SNX29: variants seen among roughly 807,000 people sequenced by gnomAD.
SNX29 encodes sorting nexin-29.
Under a neutral mutation model 102.1 loss-of-function variants are expected in SNX29, and 78 were observed. The ratio of observed to expected loss-of-function variants is 0.76; its 90% CI spans 0.64 to 0.92. The LOEUF (loss-of-function observed/expected upper bound fraction) is 0.92. Among genes scored for constraint, SNX29 ranks in the 40% least tolerant of loss-of-function variants. The pLI is 0.00. For synonymous variants in SNX29, 580 were observed against 414.5 expected (o/e 1.40, Z -4.85); for missense variants, 1,280 against 1,061.7 (o/e 1.21, Z -2.86).
In SNX29 at chr16:12,271,336, C is replaced by T. The variant is rs114044038; in HGVS notation, c.1679-6597C>T. ...TGTGGCTCATGGGGGCTGTTGGCTG[C>T]GTGCATCAGTTCCTTGCCATGAGGT... On this transcript the variant is annotated intron_variant, in intron 14 of 20. Coordinates refer to ENST00000566228, the MANE Select transcript of SNX29 (RefSeq NM_032167.5). 2.6e-3 allele frequency among the ~76,000 whole-genome samples: 394 copies of T among 152,246 alleles called. 2 individuals carry two copies. The highest frequency in any genetic ancestry group is 8.6e-3 in the African/African-American group (359 of 41,540).
chr16:12,447,823 G>A (rs547330426), intron 18 of SNX29, among the ~76,000 whole-genome samples: 1 of 152,330 alleles, frequency 6.6e-6, no homozygotes, highest in East Asian at 1.9e-4. Context: ...CACTCAGAGA[G>A]CCCTCTCTTC....
intron 3 of SNX29, among the ~76,000 whole-genome samples, chr16:12,005,207 CTGAT>C (rs1157520768): frequency 6.6e-6 from 1 of 152,204 alleles, no homozygotes; most frequent in Non-Finnish European, 1.5e-5. Context: ...GATCATTCGA[CTGAT>C]TGATCAATTT....
At chr16:12,459,663 C>T (rs1234324311) in intron 18 of SNX29, among the ~76,000 whole-genome samples, 1 of 152,130 alleles carries the variant, frequency 6.6e-6, no homozygotes, top group Non-Finnish European at 1.5e-5. Flanking sequence ...GTGGAGAAAG[C>T]AAACTTGCAG....
intron 20 of SNX29, chr16:12,526,501 G>A: frequency 2.0e-6 from 1 of 500,570 alleles, no homozygotes. Context: ...ATAGAAAACA[G>A]TTTCTAGAAC....
chr16:12,369,140 CTT>C (rs373599269), intron 16 of SNX29, among the ~76,000 whole-genome samples: 5 of 145,976 alleles, frequency 3.4e-5, no homozygotes, highest in Admixed American at 6.9e-5. Flanking sequence ...ATGTTCATAT[CTT>C]TTTTTTTTTT....
intron 20 of SNX29, chr16:12,557,827 C>G (rs190749203): frequency 2.0e-5 from 3 of 152,230 alleles, no homozygotes; most frequent in African/African-American, 7.2e-5. Context: ...CTGTTGTTCA[C>G]CAAAACATCA....
rs565298069 is a variant in SNX29 at position 12,178,045 on chromosome 16, C to G, written c.1596-21556C>G. On this transcript the variant is annotated intron_variant, in intron 13 of 20. Coordinates refer to ENST00000566228, the MANE Select transcript of SNX29 (RefSeq NM_032167.5). The stretch of plus-strand genomic sequence containing the variant: ...TTAGACCTCGTTGTCCTCACTGTTT[C>G]AGACATTGCTGGTAAATGCTCTATG... Among the ~76,000 whole-genome samples, 229 of 152,320 alleles carry G rather than the reference C, an allele frequency of 1.5e-3. 2 individuals carry two copies. The highest frequency in any genetic ancestry group is 5.1e-3 in the African/African-American group (210 of 41,562).
chr16:12,084,186 C>T (rs990083762), intron 11 of SNX29, among the ~76,000 whole-genome samples: 15 of 151,688 alleles, frequency 9.9e-5, no homozygotes, highest in African/African-American at 3.4e-4. Context: ...GCTCTTATCG[C>T]CCAGGCTGGA....
At chr16:12,029,640 G>A (rs1454450879) in intron 4 of SNX29, 2 of 452,520 alleles carry the variant, frequency 4.4e-6, no homozygotes, top group African/African-American at 4.0e-5. Context: ...TGCCCAGTCT[G>A]GAGTGCAGTG....
intron 16 of SNX29, among the ~76,000 whole-genome samples, chr16:12,376,810 T>C (rs1350562525): frequency 6.6e-6 from 1 of 151,968 alleles, no homozygotes; most frequent in Non-Finnish European, 1.5e-5. Flanking sequence ...TGGCCTCTTC[T>C]TCAATAACGT....
rs1199911670 is a variant in SNX29 at position 12,362,553 on chromosome 16, T to TCCCC, written c.1899+6279_1899+6282dup. Among the ~76,000 whole-genome samples, 49 of 11,034 alleles carry TCCCC rather than the reference T, an allele frequency of 4.4e-3. 8 individuals are homozygous for TCCCC. Among genetic ancestry groups the TCCCC allele is most frequent in the Non-Finnish European group, 5.8e-3 (28 of 4,796 alleles). 7.2% of individuals were successfully genotyped at this position (11,034 alleles called of 152,430 possible). A position where few individuals can be genotyped will look rare whatever the true frequency, so the allele number is the denominator to read the frequency against. ...TGCAGAAGGATTTTGGCTGCTGCAC[T>TCCCC]CCCCCCCCACCCCCCCCCCCACCAG... On this transcript the variant is annotated intron_variant, in intron 16 of 20. Transcript: ENST00000566228.
rs888846949 is a variant in SNX29, at chr16:12,570,500, G to T, written c.*1871G>T. On this transcript the variant is annotated 3_prime_UTR_variant, in exon 21 of 21. Coordinates refer to ENST00000566228, the MANE Select transcript of SNX29 (RefSeq NM_032167.5). ...ATCTGCTGTATGTCATGACCCCTTAGGTTGGGTTTATGCCACATCGGTCAT... is the reference window on the plus strand; with the variant it reads ...ATCTGCTGTATGTCATGACCCCTTATGTTGGGTTTATGCCACATCGGTCAT... 8 of 232,974 alleles carry T rather than the reference G, an allele frequency of 3.4e-5. No homozygotes were observed. The highest frequency in any genetic ancestry group is 1.8e-4 in the African/African-American group (8 of 45,294). The allele number at this position is 232,974 out of a possible 1,614,324, so 14.4% of individuals were successfully genotyped here.
chr16:12,538,706 G>C (rs2077188084), intron 20 of SNX29, among the ~76,000 whole-genome samples: 1 of 152,110 alleles, frequency 6.6e-6, no homozygotes. Flanking sequence ...GCGAGCCTGG[G>C]CATGTACATC....
At chr16:12,308,638 C>G (rs1344518866) in intron 15 of SNX29, among the ~76,000 whole-genome samples, 1 of 152,164 alleles carries the variant, frequency 6.6e-6, no homozygotes, top group Non-Finnish European at 1.5e-5. Context: ...AGAAAAAATC[C>G]TCGACTTCTA....
At chr16:12,552,048 A>G (rs1022436256) in intron 20 of SNX29, among the ~76,000 whole-genome samples, 3 of 151,218 alleles carry the variant, frequency 2.0e-5, no homozygotes, top group Non-Finnish European at 4.4e-5. Context: ...GATGGGAAGG[A>G]TTTTTGGGGC....
At chr16:12,068,074 C>A (rs2051119620) in intron 9 of SNX29, among the ~76,000 whole-genome samples, 1 of 152,140 alleles carries the variant, frequency 6.6e-6, no homozygotes, top group Admixed American at 6.6e-5. Flanking sequence ...ATTCAAGGCA[C>A]TACAAGCAGG....
At chr16:12,492,511 C>T (rs1231089489) in intron 19 of SNX29, among the ~76,000 whole-genome samples, 2 of 152,120 alleles carry the variant, frequency 1.3e-5, no homozygotes, top group African/African-American at 4.8e-5. Flanking sequence ...GTTTCTTTTG[C>T]TGTGCAGAAG....
intron 16 of SNX29, among the ~76,000 whole-genome samples, chr16:12,380,826 T>TCCAC (rs1209507387): frequency 2.3e-5 from 1 of 43,398 alleles, no homozygotes; most frequent in Non-Finnish European, 4.4e-5. Flanking sequence ...CCGCCATCCA[T>TCCAC]CCACCCACCC....
intron 11 of SNX29, among the ~76,000 whole-genome samples, chr16:12,099,456 G>C (rs758619914): frequency 1.3e-5 from 2 of 152,286 alleles, no homozygotes; most frequent in South Asian, 4.2e-4. Flanking sequence ...CATTGTTCCT[G>C]GGTAGTTAGG....
Sources: gnomAD v4.1 joint callset for allele counts (sites outside exome capture counted in the v4.1 genomes callset) on GRCh38, gnomAD v4.1.1 for gene constraint, MANE v1.5 for transcripts, NCBI Gene and HGNC (gene_info 2026-07-23, HGNC 2026-07-21) for gene names.